NIPSNAP3A: variants seen among roughly 807,000 people sequenced by gnomAD.
The protein encoded by NIPSNAP3A is nipsnap homolog 3A.
A neutral mutation model predicts 32.3 loss-of-function variants in NIPSNAP3A; 27 were observed. The ratio of observed to expected loss-of-function variants is 0.84; its 90% confidence interval spans 0.62 to 1.15. NIPSNAP3A has a LOEUF of 1.15. Among genes scored for constraint, NIPSNAP3A ranks in the 50% most tolerant of loss-of-function variants. The pLI, the probability that NIPSNAP3A is intolerant of heterozygous loss-of-function variation, is 0.00. For synonymous variants in NIPSNAP3A, 108 were observed against 107.3 expected, an observed-to-expected ratio of 1.01 and a Z score of -0.04; for missense variants, 278 against 297.2, an observed-to-expected ratio of 0.94 and a Z score of 0.48.
chr9:104,757,771 G>C (rs1006256717), intron 4 of NIPSNAP3A, among the ~76,000 whole-genome samples: 7 of 152,000 alleles, frequency 4.6e-5, no homozygotes, highest in Non-Finnish European at 1.0e-4. Flanking sequence ...AAAAATACAG[G>C]CCAGGCGTGG....
intron 4 of NIPSNAP3A, among the ~76,000 whole-genome samples, chr9:104,758,383 G>A: frequency 6.6e-6 from 1 of 151,862 alleles, no homozygotes; most frequent in Non-Finnish European, 1.5e-5. Context: ...TTTCTTCTTT[G>A]TATAATGTAA....
chr9:104,756,550 ACAT>A (rs1252636241), intron 4 of NIPSNAP3A, among the ~76,000 whole-genome samples: 2 of 152,164 alleles, frequency 1.3e-5, no homozygotes, highest in Non-Finnish European at 2.9e-5. Flanking sequence ...AGGTATACTT[ACAT>A]GGATATAGTA....
intron 1 of NIPSNAP3A, 56 bp downstream of exon 1, chr9:104,747,908 G>A (rs1391621658): frequency 3.4e-6 from 5 of 1,484,962 alleles, no homozygotes; most frequent in Non-Finnish European, 4.6e-6. Flanking sequence ...GGGGCGGGGC[G>A]GGGAGTGTTC....
intron 2 of NIPSNAP3A, among the ~76,000 whole-genome samples, chr9:104,751,775 A>G (rs993597743): frequency 6.6e-6 from 1 of 152,134 alleles, no homozygotes; most frequent in Non-Finnish European, 1.5e-5. Context: ...ATTCACTGTC[A>G]TACTACTCTA....
intron 1 of NIPSNAP3A, among the ~76,000 whole-genome samples, chr9:104,748,944 AC>A (rs1307036043): frequency 6.6e-6 from 1 of 152,154 alleles, no homozygotes; most frequent in Admixed American, 6.5e-5. Context: ...CATCCCTGCA[AC>A]AAAATTCTTA....
At chr9:104,751,596 T>C (rs547545635) in intron 2 of NIPSNAP3A, among the ~76,000 whole-genome samples, 2 of 152,292 alleles carry the variant, frequency 1.3e-5, no homozygotes, top group Non-Finnish European at 2.9e-5. Context: ...GGGGGCTGGA[T>C]ATCAGTATTT....
At chr9:104,756,091 A>G in intron 4 of NIPSNAP3A, among the ~76,000 whole-genome samples, 1 of 152,214 alleles carries the variant, frequency 6.6e-6, no homozygotes, top group East Asian at 1.9e-4. Flanking sequence ...GTAATAATCT[A>G]TCATAAGAAA....
At chr9:104,755,775 T>C (rs564806670) in intron 4 of NIPSNAP3A, among the ~76,000 whole-genome samples, 1 of 152,118 alleles carries the variant, frequency 6.6e-6, no homozygotes, top group Admixed American at 6.5e-5. Flanking sequence ...AAGAATTAGT[T>C]GGGCATGGTG....
At chr9:104,752,866 A>AT in intron 2 of NIPSNAP3A, 40 bp from the exon 3 acceptor site, 1 of 1,559,096 alleles carries the variant, frequency 6.4e-7, no homozygotes, top group South Asian at 1.1e-5. Context: ...GTGATTTAAA[A>AT]TTGAATTTTT....
intron 2 of NIPSNAP3A, 126 bp from the exon 3 acceptor site, chr9:104,752,780 T>G (rs1173164483): frequency 1.3e-6 from 1 of 791,042 alleles, no homozygotes; most frequent in South Asian, 1.6e-5. Flanking sequence ...CGTTGGTGTC[T>G]CCAAAGGCCT....
At chr9:104,751,321 A>G (rs1827846100) in intron 2 of NIPSNAP3A, among the ~76,000 whole-genome samples, 155 bp downstream of exon 2, 1 of 152,252 alleles carries the variant, frequency 6.6e-6, no homozygotes, top group Non-Finnish European at 1.5e-5. Flanking sequence ...AATACCAAAA[A>G]AATAAATTCA....
chr9:104,749,626 A>G lies in NIPSNAP3A; in HGVS notation c.61-1330A>G, dbSNP rs566754997. On this transcript the variant is annotated intron_variant, in intron 1 of 5. Transcript: ENST00000374767. ...AGATGGATTTATAAGAATATCACGA[A>G]TGCCTGTGTGTATACCATGAGTGCA... is the stretch of plus-strand genomic sequence containing the variant. Among the ~76,000 whole-genome samples the G allele has an allele frequency of 1.7e-4, 26 of 152,274 alleles. 1 individual carries two copies. Among genetic ancestry groups the G allele is most frequent in the South Asian group, 1.7e-3 (8 of 4,824 alleles).
At chr9:104,756,598 G>A (rs2118758435) in intron 4 of NIPSNAP3A, among the ~76,000 whole-genome samples, 1 of 152,080 alleles carries the variant, frequency 6.6e-6, no homozygotes, top group South Asian at 2.1e-4. Flanking sequence ...CAGATACTGT[G>A]TAGGGTTCAT....
At chr9:104,757,398 C>T (rs999124267) in intron 4 of NIPSNAP3A, among the ~76,000 whole-genome samples, 14 of 152,052 alleles carry the variant, frequency 9.2e-5, no homozygotes, top group African/African-American at 2.9e-4. Context: ...GTAAGTAAAC[C>T]TCACCATACC....
Position 104,758,971 on chromosome 9 carries a change from CAAAAAA to C in NIPSNAP3A, c.581-94_581-89del, listed in dbSNP as rs34457398. 9.4e-4 allele frequency: 380 copies of C among 402,180 alleles called. 1 individual carries two copies. Among genetic ancestry groups the C allele is most frequent in the African/African-American group, 2.6e-3 (61 of 23,366 alleles). The allele number at this position is 402,180 out of a possible 1,614,324, so 24.9% of individuals were successfully genotyped here. On this transcript the variant is annotated intron_variant, in intron 4 of 5. Coordinates refer to ENST00000374767, the MANE Select transcript of NIPSNAP3A (RefSeq NM_015469.3). ...GGTGACAAGAGTGAAACTCTTGTTT[CAAAAAA>C]AAAAAAAAAAAAAAAAAAAGAATAG...
At position 104,756,811 on chromosome 9, in the gene NIPSNAP3A, ATTCT is replaced by A. The variant is rs1403208769; in HGVS notation, c.580+2114_580+2117del. On this transcript the variant is annotated intron_variant, in intron 4 of 5. Coordinates refer to ENST00000374767, the MANE Select transcript of NIPSNAP3A (RefSeq NM_015469.3). ...TAAATGGTTAAGTCTCTATGTTAAT[ATTCT>A]TTTTTTTTTTTTTTTTTTGAGATGG... Among the ~76,000 whole-genome samples, 36 of 137,182 alleles carry A rather than the reference ATTCT, an allele frequency of 2.6e-4. No individual in the cohort carries two copies. In the South Asian group the frequency reaches 8.2e-3, roughly 31 times the overall value. 90.0% of individuals were successfully genotyped at this position (137,182 alleles called of 152,430 possible).
intron 1 of NIPSNAP3A, among the ~76,000 whole-genome samples, chr9:104,749,540 TCA>T (rs1827820211): frequency 2.0e-5 from 3 of 152,244 alleles, no homozygotes; most frequent in South Asian, 4.1e-4. Flanking sequence ...AAAACTGTCT[TCA>T]CAGATTATTC....
intron 4 of NIPSNAP3A, among the ~76,000 whole-genome samples, chr9:104,757,603 TTTACA>T (rs1216957457): frequency 6.6e-6 from 1 of 152,190 alleles, no homozygotes; most frequent in Non-Finnish European, 1.5e-5. Context: ...GTTAATATTG[TTTACA>T]TTAAAGAAAC....
chr9:104,749,902 A>AATC (rs5899616), intron 1 of NIPSNAP3A, among the ~76,000 whole-genome samples: 129,569 of 151,924 alleles, frequency 0.85, 55,755 homozygotes, highest in African/African-American at 0.96. Context: ...AGAAACTAAT[A>AATC]AGAAAATTTT....
Sources: gnomAD v4.1 joint callset for allele counts (sites outside exome capture counted in the v4.1 genomes callset) on GRCh38, gnomAD v4.1.1 for gene constraint, MANE v1.5 for transcripts, NCBI Gene and HGNC (gene_info 2026-07-23, HGNC 2026-07-21) for gene names.